XKRX: variants seen among roughly 807,000 people sequenced by gnomAD.
XKRX encodes XK related X-linked.
In XKRX, 11 loss-of-function variants were observed where a neutral mutation model predicts 22.4. The ratio of observed to expected loss-of-function variants is 0.49; its 90% CI spans 0.31 to 0.81. XKRX has a LOEUF of 0.81. Ranked by LOEUF, XKRX falls within the 40% of genes least tolerant of loss-of-function variation. XKRX has a pLI of 0.05. For synonymous variants in XKRX, 114 were observed against 132.2 expected (o/e 0.86, Z 0.94); for missense variants, 320 against 336.5 (o/e 0.95, Z 0.38).
intron 1 of XKRX, among the ~76,000 whole-genome samples, chrX:100,923,368 A>C (rs1371752430): frequency 9.0e-6 from 1 of 111,725 alleles, no homozygotes; most frequent in East Asian, 2.8e-4. Flanking sequence ...GACTGGTCTC[A>C]AACTCCTGGG....
chrX:100,955,749 CTATT>C, the XKRX span, among the ~76,000 whole-genome samples: 3 of 111,981 alleles, frequency 2.7e-5, no homozygotes, highest in Non-Finnish European at 5.6e-5. Context: ...TATAGCAGCT[CTATT>C]TATAATTGAC....
At chrX:100,896,809 G>T in the XKRX span, among the ~76,000 whole-genome samples, 2 of 111,240 alleles carry the variant, frequency 1.8e-5, no homozygotes, top group Non-Finnish European at 3.8e-5. Context: ...CAGCCTGGGA[G>T]ACAGAGTGAC....
In XKRX at chrX:100,923,837, C is replaced by CTT. The variant is rs745938618; in HGVS notation, c.336-778_336-777dup. ...TTCTGCTTTTTCTTTTTCTTTCTTT[C>CTT]TTTTTTTTTTTTTTTTTGAGACAGA... On this transcript the variant is annotated intron_variant, in intron 1 of 2. Transcript: ENST00000372956. Among the ~76,000 whole-genome samples the CTT allele has an allele frequency of 8.9e-3, 784 of 88,086 alleles. 11 individuals carry two copies. Among genetic ancestry groups the CTT allele is most frequent in the Non-Finnish European group, 0.012 (527 of 45,306 alleles). 76.5% of individuals were successfully genotyped at this position (88,086 alleles called of 115,157 possible). A position where few individuals can be genotyped will look rare whatever the true frequency, so the allele number is the denominator to read the frequency against.
the XKRX span, chrX:100,956,616 C>A: frequency 5.8e-6 from 3 of 520,173 alleles, no homozygotes; most frequent in Non-Finnish European, 1.1e-5. Flanking sequence ...AGTATGAACT[C>A]TTTTTTAAGA....
At chrX:100,917,880 G>T (rs746830877) in intron 2 of XKRX, among the ~76,000 whole-genome samples, 7 of 111,143 alleles carry the variant, frequency 6.3e-5, no homozygotes, top group South Asian at 7.7e-4. Context: ...GTTTGCAGCA[G>T]AGTAGTTCAA....
the XKRX span, among the ~76,000 whole-genome samples, chrX:100,945,806 C>CAAAAA: frequency 6.6e-4 from 21 of 31,830 alleles, no homozygotes; most frequent in African/African-American, 2.2e-3. Context: ...ATTCTGTCTC[C>CAAAAA]AAAAAAAAAA....
At chrX:100,927,075 G>C (rs907797161) in intron 1 of XKRX, among the ~76,000 whole-genome samples, 2 of 111,417 alleles carry the variant, frequency 1.8e-5, no homozygotes, top group Admixed American at 1.9e-4. Context: ...AAAAGGTAGA[G>C]TCAAAATTAC....
At chrX:100,901,380 G>C in the XKRX span, among the ~76,000 whole-genome samples, 1 of 111,495 alleles carries the variant, frequency 9.0e-6, no homozygotes, top group Non-Finnish European at 1.9e-5. Flanking sequence ...CAGAAAAAAA[G>C]TCTTTGAACA....
chrX:100,956,710 A>C, the XKRX span: 1 of 554,277 alleles, frequency 1.8e-6, no homozygotes, highest in Non-Finnish European at 3.3e-6. Flanking sequence ...GATGATTGAC[A>C]TCATTAGATC....
At chrX:100,891,425 A>G in the XKRX span, among the ~76,000 whole-genome samples, 10 of 111,652 alleles carry the variant, frequency 9.0e-5, no homozygotes, top group Admixed American at 2.9e-4. Flanking sequence ...GAATTATGTT[A>G]CCCGATTTCA....
chrX:100,934,483 C>T, the XKRX span, among the ~76,000 whole-genome samples: 1 of 111,329 alleles, frequency 9.0e-6, no homozygotes, highest in Non-Finnish European at 1.9e-5. Context: ...GGCCTTTGCT[C>T]TTATTGCCTT....
At chrX:100,933,924 G>A (rs73631331), upstream of XKRX, among the ~76,000 whole-genome samples, 1,605 of 111,189 alleles carry the variant, frequency 0.014, 28 homozygotes, top group African/African-American at 0.05. Flanking sequence ...CCCATTTAAA[G>A]TGTACAATTT....
At position 100,914,348 on chromosome X, in the gene XKRX, CTT is replaced by C; in HGVS notation, c.1338_1339del (p.Ser447CysfsTer40). On this transcript the variant is annotated frameshift_variant, in exon 3 of 3. Coordinates refer to ENST00000372956, the MANE Select transcript of XKRX (RefSeq NM_212559.3). LOFTEE classifies it high-confidence loss of function. ...ACCCAGAAAATAGAATCAGACAACACTTTGCCTTGCTTCAGTCTCAAAGGGTG... is the reference window on the plus strand; with the variant it reads ...ACCCAGAAAATAGAATCAGACAACACTGCCTTGCTTCAGTCTCAAAGGGTG... 8.3e-7 allele frequency: 1 copy of C among 1,208,739 alleles called. No individual in the cohort carries two copies. Among genetic ancestry groups the C allele is most frequent in the Non-Finnish European group, 1.1e-6 (1 of 893,654 alleles).
chrX:100,896,945 G>T, the XKRX span, among the ~76,000 whole-genome samples: 1 of 111,915 alleles, frequency 8.9e-6, no homozygotes, highest in Non-Finnish European at 1.9e-5. Context: ...TCAAGTTGGT[G>T]GCATAATCAT....
At chrX:100,951,277 G>A in the XKRX span, among the ~76,000 whole-genome samples, 1 of 103,185 alleles carries the variant, frequency 9.7e-6, no homozygotes, top group Non-Finnish European at 2.0e-5. Flanking sequence ...GAGGGAGGGG[G>A]ACAAAGGTTG....
At chrX:100,954,958 G>T in the XKRX span, among the ~76,000 whole-genome samples, 1 of 111,449 alleles carries the variant, frequency 9.0e-6, no homozygotes, top group African/African-American at 3.3e-5. Context: ...GGGCACGGGG[G>T]GAGTGATAAA....
Position 100,923,199 on chromosome X carries a change from T to C in XKRX, c.336-138A>G. On this transcript the variant is annotated intron_variant, in intron 1 of 2. Coordinates refer to ENST00000372956, the MANE Select transcript of XKRX (RefSeq NM_212559.3). The stretch of plus-strand genomic sequence containing the variant: ...CAAGGTCTTACTCCATCACCCTGGC[T>C]GGAGTGCAGTGGCACAATCATAATT... The C allele has an allele frequency of 4.2e-6, 3 of 707,987 alleles. No individual in the cohort carries two copies. In the East Asian group the frequency reaches 1.0e-4, roughly 24 times the overall value. The allele number at this position is 707,987 out of a possible 1,213,427, so 58.3% of individuals were successfully genotyped here.
chrX:100,936,872 A>C, the XKRX span, among the ~76,000 whole-genome samples: 1 of 102,233 alleles, frequency 9.8e-6, no homozygotes, highest in African/African-American at 3.6e-5. Flanking sequence ...TGGTCCCCCC[A>C]CCCCCCACAC....
upstream of XKRX, among the ~76,000 whole-genome samples, chrX:100,930,356 T>C (rs2085517469): frequency 9.1e-6 from 1 of 109,524 alleles, no homozygotes; most frequent in Admixed American, 9.8e-5. Context: ...CCTGTGCCAA[T>C]CTCCTTTTGC....
Sources: gnomAD v4.1 joint callset for allele counts (sites outside exome capture counted in the v4.1 genomes callset) on GRCh38, gnomAD v4.1.1 for gene constraint, MANE v1.5 for transcripts, NCBI Gene and HGNC (gene_info 2026-07-23, HGNC 2026-07-21) for gene names.